UBE4B: variants seen among roughly 807,000 people sequenced by gnomAD.
UBE4B encodes ubiquitin conjugation factor E4 B.
Under a neutral mutation model 148.1 loss-of-function variants are expected in UBE4B, and 27 were observed. The ratio of observed to expected loss-of-function variants is 0.18; its 90% CI spans 0.13 to 0.25. The LOEUF (loss-of-function observed/expected upper bound fraction) is 0.25. Ranked by LOEUF, UBE4B falls within the 10% of genes least tolerant of loss-of-function variation. The pLI is 1.00. For synonymous variants in UBE4B, 596 were observed against 619.3 expected, an observed-to-expected ratio of 0.96 and a Z score of 0.56; for missense variants, 1,170 against 1,662.4, an observed-to-expected ratio of 0.70 and a Z score of 5.15.
intron 1 of UBE4B, among the ~76,000 whole-genome samples, chr1:10,051,899 A>G (rs1644054337): frequency 6.6e-6 from 1 of 152,204 alleles, no homozygotes; most frequent in Admixed American, 6.5e-5. Context: ...AATCTTTGGC[A>G]TCTTGTCCAG....
intron 20 of UBE4B, among the ~76,000 whole-genome samples, chr1:10,150,684 A>G (rs1404934467): frequency 6.6e-6 from 1 of 151,830 alleles, no homozygotes; most frequent in African/African-American, 2.4e-5. Context: ...ACATGGTGAA[A>G]CCCCATCTCT....
intron 23 of UBE4B, chr1:10,163,123 A>C (rs1571012080): frequency 6.6e-6 from 1 of 152,180 alleles, no homozygotes; most frequent in South Asian, 2.1e-4. Flanking sequence ...CACTGGCAGG[A>C]TCATAGCACA....
Position 10,082,115 on chromosome 1 carries a change from A to G in UBE4B, c.211+9901A>G, listed in dbSNP as rs1570847156. Among the ~76,000 whole-genome samples the G allele has an allele frequency of 2.6e-5, 4 of 152,284 alleles. No homozygotes were observed. In the East Asian group the frequency reaches 7.7e-4, roughly 29 times the overall value. On this transcript the variant is annotated intron_variant, in intron 2 of 27. Transcript: ENST00000343090. Reference sequence around the variant, plus strand: ...TTTATTGAATGCTCTAAATTCACGTAGGCTTCACTTAATACATATTTATTT... The same window carrying G: ...TTTATTGAATGCTCTAAATTCACGTGGGCTTCACTTAATACATATTTATTT...
At chr1:10,059,302 A>C (rs1163185592) in intron 1 of UBE4B, 1 of 155,662 alleles carries the variant, frequency 6.4e-6, no homozygotes, top group Non-Finnish European at 1.4e-5. Flanking sequence ...CAGCAACAGC[A>C]GCAAGGATTG....
chr1:10,105,446 C>A, intron 5 of UBE4B, 70 bp from the exon 6 acceptor site: 1 of 1,405,134 alleles, frequency 7.1e-7, no homozygotes, highest in Non-Finnish European at 1.0e-6. Flanking sequence ...GGTCAGCTGG[C>A]TTATTCAAGG....
rs1372249125 is a variant in UBE4B, at chr1:10,130,918, A to T, written c.1911+105A>T. ...TATGCCCAGTAGACAAACGGCTAAC[A>T]AAAGCCAATTCGATCTTACATAAAA... On this transcript the variant is annotated intron_variant, in intron 14 of 27. Coordinates refer to ENST00000343090, the MANE Select transcript of UBE4B (RefSeq NM_001105562.3). 5 of 948,574 alleles carry T rather than the reference A, an allele frequency of 5.3e-6. No homozygotes were observed. In the East Asian group the frequency reaches 1.2e-4, roughly 23 times the overall value. The allele number at this position is 948,574 out of a possible 1,614,324, so 58.8% of individuals were successfully genotyped here.
rs114344246 is a variant in UBE4B, at chr1:10,153,242, C to T, written c.2926+1681C>T. Among the ~76,000 whole-genome samples, 622 of 151,958 alleles carry T rather than the reference C, an allele frequency of 4.1e-3. 3 individuals are homozygous for T. Among genetic ancestry groups the T allele is most frequent in the Middle Eastern group, 0.01 (3 of 294 alleles). On this transcript the variant is annotated intron_variant, in intron 21 of 27. Transcript: ENST00000343090. Reference sequence around the variant, plus strand: ...GCATGTGGGCTGGGCACGGTGACTCCAGCTAATAATCCTAGCACTTTAGGA... The same window carrying T: ...GCATGTGGGCTGGGCACGGTGACTCTAGCTAATAATCCTAGCACTTTAGGA...
chr1:10,172,715 C>G (rs1272715859), intron 25 of UBE4B, among the ~76,000 whole-genome samples: 1 of 152,006 alleles, frequency 6.6e-6, no homozygotes, highest in African/African-American at 2.4e-5. Context: ...TTAATGACAG[C>G]TTTATTGAGC....
At position 10,050,721 on chromosome 1, in the gene UBE4B, CT is replaced by C. The variant is rs1174636299; in HGVS notation, c.24+17044del. 3.5e-3 allele frequency among the ~76,000 whole-genome samples: 463 copies of C among 133,308 alleles called. 1 individual carries two copies. Among genetic ancestry groups the C allele is most frequent in the Middle Eastern group, 4.0e-3 (1 of 250 alleles). 87.5% of individuals were successfully genotyped at this position (133,308 alleles called of 152,430 possible). ...AACATGTCTTTTCAGGACTCCTATT[CT>C]TTTTTTTTTTTTTTTTATAGAGGTG... is the stretch of plus-strand genomic sequence containing the variant. On this transcript the variant is annotated intron_variant, in intron 1 of 27. Coordinates refer to ENST00000343090, the MANE Select transcript of UBE4B (RefSeq NM_001105562.3).
At chr1:10,176,266 G>T (rs1571041465) in intron 25 of UBE4B, among the ~76,000 whole-genome samples, 1 of 152,322 alleles carries the variant, frequency 6.6e-6, no homozygotes, top group East Asian at 1.9e-4. Flanking sequence ...CATTTGGGTT[G>T]TCTCCAGCCT....
chr1:10,168,036 ATGT>A lies in UBE4B; in HGVS notation c.3199-97_3199-95del. On this transcript the variant is annotated intron_variant, in intron 23 of 27. Transcript: ENST00000343090. This position sits in a 1 kb window ranked among gnomAD's most constrained non-coding sequence, Gnocchi z 4.9. ...CAGGCGGTTCTGTCATTCCCTAAGCATGTTGGGTTTATCACGCACTTTCCAGTT... is the reference window on the plus strand; with the variant it reads ...CAGGCGGTTCTGTCATTCCCTAAGCATGGGTTTATCACGCACTTTCCAGTT... 1 of 1,400,672 alleles carries A rather than the reference ATGT, an allele frequency of 7.1e-7. No individual in the cohort carries two copies. The highest frequency in any genetic ancestry group is 9.5e-7 in the Non-Finnish European group (1 of 1,057,912). 86.8% of individuals were successfully genotyped at this position (1,400,672 alleles called of 1,614,324 possible).
chr1:10,048,414 TTGTATTTAAAATC>T (rs1443489319), intron 1 of UBE4B, among the ~76,000 whole-genome samples: 1 of 152,136 alleles, frequency 6.6e-6, no homozygotes, highest in African/African-American at 2.4e-5. Context: ...GAAGTTGTCA[TTGTATTTAAAATC>T]ATGAGAATGG....
At position 10,140,783 on chromosome 1, in the gene UBE4B, G is replaced by T. The variant is rs185824684; in HGVS notation, c.2363+3578G>T. ...TAGGACATAGTTGGGGTGTGTATAT[G>T]CGTATTGGAAAGAGGATTATCTGAG... On this transcript the variant is annotated intron_variant, in intron 17 of 27. Coordinates refer to ENST00000343090, the MANE Select transcript of UBE4B (RefSeq NM_001105562.3). Among the ~76,000 whole-genome samples the T allele has an allele frequency of 2.0e-5, 3 of 152,162 alleles. No individual in the cohort carries two copies. The South Asian group carries it at 6.2e-4, about 32-fold the overall frequency.
rs146706099 is a variant in UBE4B at position 10,100,277 on chromosome 1, T to C, written c.348-831T>C. 7.1e-3 allele frequency among the ~76,000 whole-genome samples: 1,073 copies of C among 151,978 alleles called. 15 individuals are homozygous for C. The highest frequency in any genetic ancestry group is 9.4e-3 in the Non-Finnish European group (640 of 67,930). ...GTGCTGGGATTACAGGTGTGAGCCA[T>C]CGTGCCTGGCCTATTTTCTCAATTA... On this transcript the variant is annotated intron_variant, in intron 3 of 27. Transcript: ENST00000343090.
At chr1:10,091,670 A>T (rs1644850459) in intron 2 of UBE4B, among the ~76,000 whole-genome samples, 1 of 152,018 alleles carries the variant, frequency 6.6e-6, no homozygotes, top group Non-Finnish European at 1.5e-5. Flanking sequence ...CAGTGGTGCG[A>T]TCTTGGCCCA....
intron 21 of UBE4B, among the ~76,000 whole-genome samples, chr1:10,152,339 C>G (rs1226658402): frequency 6.6e-6 from 1 of 151,448 alleles, no homozygotes; most frequent in Admixed American, 6.6e-5. Flanking sequence ...TTGAAAATAC[C>G]TGGTACAAAC....
At chr1:10,152,470 G>A (rs1279452393) in intron 21 of UBE4B, among the ~76,000 whole-genome samples, 4 of 151,868 alleles carry the variant, frequency 2.6e-5, no homozygotes, top group South Asian at 2.1e-4. Flanking sequence ...TTTCTGAAAG[G>A]CAGTTTAGCA....
At chr1:10,114,064 CA>C (rs34811287) in intron 7 of UBE4B, among the ~76,000 whole-genome samples, 142 of 44,490 alleles carry the variant, frequency 3.2e-3, no homozygotes, top group East Asian at 7.7e-3. Context: ...GACTCCGTCT[CA>C]AAAAAAAAAA....
In UBE4B at chr1:10,106,364, C is replaced by T; in HGVS notation, c.977C>T (p.Ser326Leu). ...ASGTAAGSQP[S>L]SPRYRPYTVT... The stretch of plus-strand genomic sequence containing the variant: ...GGAACTGCTGCGGGAAGCCAGCCTT[C>T]ATCCCCGCGGTATCGCCCCTACACT... The change falls in exon 7 of 28, where the codon TCA becomes TTA. Residue 326 changes from serine (S) to leucine (L), a missense_variant. Transcript: ENST00000343090. This position sits in a 1 kb window ranked among gnomAD's most constrained non-coding sequence, Gnocchi z 4.2. 3 of 1,613,908 alleles carry T rather than the reference C, an allele frequency of 1.9e-6. No homozygotes were observed. The highest frequency in any genetic ancestry group is 2.2e-5 in the East Asian group (1 of 44,862).
Sources: allele counts gnomAD v4.1 joint callset (sites outside exome capture counted in the v4.1 genomes callset), GRCh38; gene constraint gnomAD v4.1.1; non-coding constraint Gnocchi (gnomAD v3.1); transcripts MANE v1.5; gene names NCBI Gene and HGNC (gene_info 2026-07-23, HGNC 2026-07-21).